Variants in SWI5 observed in about 807,000 individuals in gnomAD.
The protein encoded by SWI5 is DNA repair protein SWI5 homolog.
SWI5 carries 12 observed loss-of-function variants against 17.0 expected under a neutral mutation model. The ratio of observed to expected loss-of-function variants is 0.71; its 90% confidence interval spans 0.45 to 1.14. The LOEUF is 1.14. SWI5 is among the 50% of genes most tolerant of loss of function. The pLI is 0.00. For missense variants in SWI5, 158 were observed against 162.2 expected, an observed-to-expected ratio of 0.97 and a Z score of 0.14; for synonymous variants, 61 against 64.0, an observed-to-expected ratio of 0.95 and a Z score of 0.22.
Position 128,284,549 on chromosome 9 carries a change from G to A in SWI5, c.151G>A (p.Glu51Lys), listed in dbSNP as rs747000368. 6.9e-5 allele frequency: 111 copies of A among 1,613,808 alleles called. No homozygotes were observed. Among genetic ancestry groups the A allele is most frequent in the Admixed American group, 1.0e-4 (6 of 59,972 alleles). ...GTCTGGCCAGGCTGATGGGACCAGC[G>A]AGGAGTCTCTGCACCTTGACATTCA... Residue 51 changes from glutamate (E) to lysine (K), a missense_variant, in exon 3 of 5, where the codon GAG becomes AAG. By Grantham distance (56) the Glu-to-Lys change is moderately conservative. Coordinates refer to ENST00000418976, the Ensembl canonical transcript of SWI5.
intron 2 of SWI5, among the ~76,000 whole-genome samples, chr9:128,281,627 G>A (rs553176122): frequency 1.7e-4 from 26 of 152,302 alleles, no homozygotes; most frequent in Admixed American, 1.3e-4. Context: ...AATATTGAGT[G>A]TCTACTATGT....
chr9:128,276,152 C>CGGCGTGGCCAGAGGGACCTGT (rs779397924), upstream of SWI5: 23 of 1,566,172 alleles, frequency 1.5e-5, no homozygotes, highest in Admixed American at 1.8e-4. Context: ...GGCTATGCAG[C>CGGCGTGGCCAGAGGGACCTGT]GGCGTGGCCA....
At chr9:128,276,677 A>T (rs1831394542) in intron 1 of SWI5, 30 bp from the exon 2 acceptor site, 1 of 1,613,700 alleles carries the variant, frequency 6.2e-7, no homozygotes, top group South Asian at 1.1e-5. Context: ...TGTGGGTCCA[A>T]TCAGACTTTC....
At chr9:128,287,696 G>A (rs1187331529) in intron 4 of SWI5, among the ~76,000 whole-genome samples, 1 of 151,178 alleles carries the variant, frequency 6.6e-6, no homozygotes, top group African/African-American at 2.4e-5. Flanking sequence ...TGAGTAGCTG[G>A]GACTGCAGGC....
In SWI5 at chr9:128,285,295, A is replaced by AAAGG. The variant is rs1318391101; in HGVS notation, c.234-632_234-629dup. On this transcript the variant is annotated intron_variant, in intron 3 of 4. Transcript: ENST00000418976. The surrounding 1 kb of genome is among the most constrained non-coding windows in gnomAD (Gnocchi z 4.8). Reference sequence around the variant, plus strand: ...AGGAAGGGAAAGGAAGGAAGGAAGGAAAGGAAGGAAGGAAGAAAGAAAGGA... The same window carrying AAAGG: ...AGGAAGGGAAAGGAAGGAAGGAAGGAAAGGAAGGAAGGAAGGAAGAAAGAAAGGA... Among the ~76,000 whole-genome samples, 3 of 151,678 alleles carry AAAGG rather than the reference A, an allele frequency of 2.0e-5. No homozygotes were observed. The highest frequency in any genetic ancestry group is 1.9e-4 in the East Asian group (1 of 5,168).
At position 128,280,510 on chromosome 9, in the gene SWI5, T is replaced by TA. The variant is rs776076324; in HGVS notation, c.111+3775dup. 6.1e-3 allele frequency among the ~76,000 whole-genome samples: 811 copies of TA among 133,446 alleles called. 2 individuals carry two copies. Among genetic ancestry groups the TA allele is most frequent in the African/African-American group, 6.9e-3 (253 of 36,832 alleles). The allele number at this position is 133,446 out of a possible 152,430, so 87.5% of individuals were successfully genotyped here. ...TACTCATGGTTGCATCTGTTCTTTT[T>TA]AAAAAAAAAAAAAAAAAAAACAAGA... On this transcript the variant is annotated intron_variant, in intron 2 of 4. Coordinates refer to ENST00000418976, the Ensembl canonical transcript of SWI5.
At chr9:128,286,304 C>T (rs1410677867) in intron 4 of SWI5, 1 of 438,512 alleles carries the variant, frequency 2.3e-6, no homozygotes, top group African/African-American at 2.0e-5. Flanking sequence ...TCAGGGTCTC[C>T]CCAGTCTTCT....
At chr9:128,276,046 G>A, upstream of SWI5, 2 of 1,587,830 alleles carry the variant, frequency 1.3e-6, no homozygotes, top group Non-Finnish European at 1.7e-6. Flanking sequence ...AGCCAGAGGA[G>A]GCGTAACCAG....
chr9:128,287,557 C>CTTTTTTTTTTT (rs754816266), intron 4 of SWI5, among the ~76,000 whole-genome samples: 3 of 123,022 alleles, frequency 2.4e-5, no homozygotes, highest in East Asian at 4.4e-4. Context: ...TGGCCTATCC[C>CTTTTTTTTTTT]TTTTTTTTTT....
chr9:128,287,793 C>T (rs564247660), intron 4 of SWI5, among the ~76,000 whole-genome samples: 6 of 147,562 alleles, frequency 4.1e-5, no homozygotes, highest in African/African-American at 7.5e-5. Flanking sequence ...AACTCCTGAC[C>T]CCAAGTGATC....
exon 2 of SWI5, chr9:128,276,748 G>A (rs1287564352): frequency 1.9e-6 from 3 of 1,611,592 alleles, no homozygotes; most frequent in African/African-American, 1.3e-5. Context: ...GGGGCCTTCC[G>A]ATCCCCTGTG....
At chr9:128,277,403 A>C (rs949815631) in intron 2 of SWI5, among the ~76,000 whole-genome samples, 7 of 152,084 alleles carry the variant, frequency 4.6e-5, no homozygotes, top group African/African-American at 1.7e-4. Context: ...AATACAAAAA[A>C]ATCAGCCGAG....
rs893658000 is a variant in SWI5 at position 128,285,210 on chromosome 9, AAAAG to A, written c.233+580_233+583del. ...AGGGAGAGAGAGAGGAGAGGAAAGA[AAAAG>A]GAAGGAAGGAAAGAAAGGAAGGGAA... On this transcript the variant is annotated intron_variant, in intron 3 of 4. Transcript: ENST00000418976. The surrounding 1 kb of genome is among the most constrained non-coding windows in gnomAD (Gnocchi z 4.8). Among the ~76,000 whole-genome samples the A allele has an allele frequency of 4.0e-5, 6 of 151,178 alleles. No individual in the cohort carries two copies. The highest frequency in any genetic ancestry group is 6.6e-5 in the Admixed American group (1 of 15,096).
At chr9:128,279,823 C>G (rs1399865125) in intron 2 of SWI5, among the ~76,000 whole-genome samples, 1 of 152,262 alleles carries the variant, frequency 6.6e-6, no homozygotes, top group South Asian at 2.1e-4. Flanking sequence ...TCACGGTCTG[C>G]TAGGTAACGG....
At chr9:128,288,911 A>G (rs555108756) in exon 5 of SWI5, 2 of 606,738 alleles carry the variant, frequency 3.3e-6, no homozygotes, top group African/African-American at 1.8e-5. Flanking sequence ...TCCCAGCTCC[A>G]AGGTTCCTGA....
chr9:128,285,392 C>T lies in SWI5; in HGVS notation c.234-547C>T, dbSNP rs1457927330. 6.6e-6 allele frequency among the ~76,000 whole-genome samples: 1 copy of T among 152,138 alleles called. No individual in the cohort carries two copies. The highest frequency in any genetic ancestry group is 1.5e-5 in the Non-Finnish European group (1 of 68,032). On this transcript the variant is annotated intron_variant, in intron 3 of 4. Transcript: ENST00000418976. The surrounding 1 kb of genome is among the most constrained non-coding windows in gnomAD (Gnocchi z 4.8). ...GGGAGATGCTCAGGCTGTGGGAGGG[C>T]CTGAACTAGGACTGGAAAGCTATCT...
intron 2 of SWI5, among the ~76,000 whole-genome samples, chr9:128,282,969 G>A (rs1480541572): frequency 2.6e-5 from 4 of 152,222 alleles, no homozygotes; most frequent in Admixed American, 2.6e-4. Context: ...CTTGAGGTCA[G>A]GAGTTTGAGA....
chr9:128,287,799 T>C (rs1831671584), intron 4 of SWI5, among the ~76,000 whole-genome samples: 4 of 152,022 alleles, frequency 2.6e-5, no homozygotes, highest in Admixed American at 2.6e-4. Context: ...TGACCCCAAG[T>C]GATCCACCCA....
chr9:128,281,010 A>C (rs910732643), intron 2 of SWI5, among the ~76,000 whole-genome samples: 3 of 148,072 alleles, frequency 2.0e-5, no homozygotes, highest in Non-Finnish European at 4.4e-5. Context: ...CTACGTGTTC[A>C]ATACAGATTC....
Sources: allele counts gnomAD v4.1 joint callset (sites outside exome capture counted in the v4.1 genomes callset), GRCh38; gene constraint gnomAD v4.1.1; non-coding constraint Gnocchi (gnomAD v3.1); transcripts MANE v1.5; gene names NCBI Gene and HGNC (gene_info 2026-07-23, HGNC 2026-07-21).